Variants in JARID2 observed in about 807,000 individuals in gnomAD.
JARID2 encodes protein Jumonji.
A neutral mutation model predicts 125.6 loss-of-function variants in JARID2; 21 were observed. The observed-to-expected ratio is 0.17, with a 90% CI of 0.12 to 0.24. The LOEUF (loss-of-function observed/expected upper bound fraction) is 0.24. JARID2 is among the 10% of genes least tolerant of loss of function. The pLI is 1.00. For synonymous variants in JARID2, 736 were observed against 661.6 expected (o/e 1.11, Z -1.73); for missense variants, 1,303 against 1,639.6 (o/e 0.79, Z 3.55).
intron 2 of JARID2, among the ~76,000 whole-genome samples, chr6:15,392,071 TGTGTGTGC>T (rs761514876): frequency 0.32 from 33,944 of 107,742 alleles, 4,363 homozygotes; most frequent in South Asian, 0.39. Flanking sequence ...TGTGTGTGTG[TGTGTGTGC>T]GTGTCTGGAG....
Position 15,402,981 on chromosome 6 carries a change from C to T in JARID2, c.182-7243C>T, listed in dbSNP as rs1456122180. 4.6e-5 allele frequency among the ~76,000 whole-genome samples: 7 copies of T among 152,094 alleles called. No individual in the cohort carries two copies. In the South Asian group the frequency reaches 1.0e-3, roughly 23 times the overall value. On this transcript the variant is annotated intron_variant, in intron 2 of 17. Coordinates refer to ENST00000341776, the MANE Select transcript of JARID2 (RefSeq NM_004973.4). ...ACTAGAACTGCCGATTGTAGAGCAT[C>T]GTGGGTGTTTATAATTCAGTCATTA...
chr6:15,435,190 G>T (rs1767149467), intron 3 of JARID2, among the ~76,000 whole-genome samples: 1 of 152,182 alleles, frequency 6.6e-6, no homozygotes, highest in Non-Finnish European at 1.5e-5. Flanking sequence ...CCCTGAATGT[G>T]AAAAGTTGTT....
rs528334869 is a variant in JARID2, at chr6:15,301,254, A to T, written c.45+54670A>T. Among the ~76,000 whole-genome samples, 84 of 152,116 alleles carry T rather than the reference A, an allele frequency of 5.5e-4. 1 individual carries two copies. The highest frequency in any genetic ancestry group is 3.5e-3 in the Admixed American group (53 of 15,262). On this transcript the variant is annotated intron_variant, in intron 1 of 17. Transcript: ENST00000341776. ...AACTTGAGCTCTTCTTTACTATAAA[A>T]TTTTTTTCTTTTTTCACAGAGTGCC...
chr6:15,473,609 T>C (rs145637422), intron 5 of JARID2, among the ~76,000 whole-genome samples: 1 of 148,590 alleles, frequency 6.7e-6, no homozygotes, highest in Non-Finnish European at 1.5e-5. Context: ...TGGGGCTCCA[T>C]TAAGACATTT....
intron 3 of JARID2, among the ~76,000 whole-genome samples, chr6:15,444,613 A>AT (rs35141256): frequency 0.065 from 9,372 of 143,642 alleles, 365 homozygotes; most frequent in Middle Eastern, 0.13. Flanking sequence ...AACACAGGAA[A>AT]TTTTTTTTTT....
rs771467296 is a variant in JARID2, at chr6:15,512,219, G to A, written c.2964G>A (p.Glu988=). 3.0e-5 allele frequency: 49 copies of A among 1,614,082 alleles called. No individual in the cohort carries two copies. The highest frequency in any genetic ancestry group is 4.2e-5 in the Non-Finnish European group (49 of 1,179,958). The change falls in exon 14 of 18, where the codon GAG becomes GAA. Residue 988 remains glutamate, a synonymous_variant. Transcript: ENST00000341776. ...MLESNVMISP[E]VLCKEGIKVH... ...CCCTGTCTCCCCAGATCTCCCCGGA[G>A]GTGCTGTGCAAAGAGGGGATCAAGG...
At chr6:15,444,564 T>TG (rs1008398589) in intron 3 of JARID2, among the ~76,000 whole-genome samples, 3 of 151,790 alleles carry the variant, frequency 2.0e-5, no homozygotes, top group Non-Finnish European at 2.9e-5. Context: ...TGTGTGTGTC[T>TG]GGGGGGCGAA....
chr6:15,291,952 C>G (rs1253819468), intron 1 of JARID2, among the ~76,000 whole-genome samples: 3 of 152,100 alleles, frequency 2.0e-5, no homozygotes, highest in Non-Finnish European at 2.9e-5. Flanking sequence ...TTTGAAACCT[C>G]TCTCATTGCC....
intron 1 of JARID2, among the ~76,000 whole-genome samples, chr6:15,348,720 A>T (rs564300838): frequency 2.3e-4 from 35 of 152,334 alleles, no homozygotes; most frequent in Non-Finnish European, 4.3e-4. Flanking sequence ...TAAAAAGCCC[A>T]CAGTCAAGCT....
In JARID2 at chr6:15,246,548, G is replaced by C. The variant is rs749166741; in HGVS notation, c.9G>C (p.Lys3Asn). 1.2e-6 allele frequency: 2 copies of C among 1,613,380 alleles called. No individual in the cohort carries two copies. The highest frequency in any genetic ancestry group is 2.2e-5 in the South Asian group (2 of 91,030). MS[K>N]ERPKRNIIQK... is the part of the protein sequence containing the mutation. The stretch of plus-strand genomic sequence containing the variant: ...AGCATTTGGATCTCAGAATGAGCAA[G>C]GAAAGACCCAAGAGGAATATCATTC... The change falls in exon 1 of 18, where the codon AAG becomes AAC. Residue 3 changes from lysine to asparagine, a missense_variant. Coordinates refer to ENST00000341776, the MANE Select transcript of JARID2 (RefSeq NM_004973.4).
At chr6:15,400,476 G>C (rs1765382114) in intron 2 of JARID2, among the ~76,000 whole-genome samples, 10 of 152,036 alleles carry the variant, frequency 6.6e-5, no homozygotes, top group Admixed American at 6.5e-4. Flanking sequence ...GCTGTCTGTG[G>C]GGGTGGGGTG....
At chr6:15,390,144 C>G (rs571574547) in intron 2 of JARID2, among the ~76,000 whole-genome samples, 1 of 152,246 alleles carries the variant, frequency 6.6e-6, no homozygotes, top group African/African-American at 2.4e-5. Flanking sequence ...GGAGGAGGAA[C>G]TTGCCTTTGA....
intron 2 of JARID2, among the ~76,000 whole-genome samples, chr6:15,394,617 A>T (rs962986754): frequency 4.6e-5 from 7 of 150,570 alleles, no homozygotes; most frequent in Non-Finnish European, 7.5e-5. Context: ...ACAAAAGATG[A>T]ACAAGACTAA....
chr6:15,433,966 G>A (rs886759026), intron 3 of JARID2, among the ~76,000 whole-genome samples: 1 of 133,122 alleles, frequency 7.5e-6, no homozygotes, highest in African/African-American at 2.9e-5. Context: ...GTGTGTGTGT[G>A]TGTGTCAGGA....
chr6:15,270,069 A>G (rs954838522), intron 1 of JARID2, among the ~76,000 whole-genome samples: 2 of 152,208 alleles, frequency 1.3e-5, no homozygotes, highest in African/African-American at 4.8e-5. Flanking sequence ...TAGCACTTGT[A>G]ACTGATGAAA....
At chr6:15,373,644 C>T (rs555337067) in intron 1 of JARID2, among the ~76,000 whole-genome samples, 3 of 152,334 alleles carry the variant, frequency 2.0e-5, no homozygotes, top group African/African-American at 7.2e-5. Context: ...GAATGCACAG[C>T]ACCCATATCT....
intron 1 of JARID2, among the ~76,000 whole-genome samples, chr6:15,258,944 G>A (rs1192582113): frequency 6.6e-6 from 1 of 152,232 alleles, no homozygotes; most frequent in African/African-American, 2.4e-5. Context: ...GTTCGAGGAA[G>A]AGGATAGAAA....
intron 5 of JARID2, 57 bp downstream of exon 5, chr6:15,468,775 G>T: frequency 6.6e-7 from 1 of 1,525,360 alleles, no homozygotes. Flanking sequence ...GTGAGAGCTG[G>T]AAGAGAGCCT....
At chr6:15,295,436 A>G (rs1007786798) in intron 1 of JARID2, among the ~76,000 whole-genome samples, 2 of 152,146 alleles carry the variant, frequency 1.3e-5, no homozygotes, top group Non-Finnish European at 2.9e-5. Flanking sequence ...AATAGTAATT[A>G]GAAGTTAATT....
Sources: gnomAD v4.1 joint callset for allele counts (sites outside exome capture counted in the v4.1 genomes callset) on GRCh38, gnomAD v4.1.1 for gene constraint, MANE v1.5 for transcripts, NCBI Gene and HGNC (gene_info 2026-07-23, HGNC 2026-07-21) for gene names.